GALK2: variants seen among roughly 807,000 people sequenced by gnomAD.
GALK2 encodes the protein N-acetylgalactosamine kinase.
GALK2 carries 36 observed loss-of-function variants against 52.4 expected under a neutral mutation model. The ratio of observed to expected loss-of-function variants is 0.69; its 90% CI spans 0.53 to 0.91. The LOEUF is 0.91. Ranked by LOEUF, GALK2 falls within the 40% of genes least tolerant of loss-of-function variation. GALK2 has a pLI of 0.00. For missense variants in GALK2, 579 were observed against 559.1 expected, an observed-to-expected ratio of 1.04 and a Z score of -0.36; for synonymous variants, 176 against 199.1, an observed-to-expected ratio of 0.88 and a Z score of 0.98.
chr15:49,299,057 A>T lies in GALK2; in HGVS notation c.967+6520A>T, dbSNP rs2034731620. ...CTCCAGGGCTTTTTCTGGTTGGTAG[A>T]TTTTTTATTATTGATTCAATTTTAG... On this transcript the variant is annotated intron_variant, in intron 8 of 9. Coordinates refer to ENST00000560031, the MANE Select transcript of GALK2 (RefSeq NM_002044.4). Among the ~76,000 whole-genome samples the T allele has an allele frequency of 2.6e-5, 4 of 152,048 alleles. No individual in the cohort carries two copies. The South Asian group carries it at 8.3e-4, about 32-fold the overall frequency.
At chr15:49,282,108 A>T in intron 6 of GALK2, 23 bp downstream of exon 6, 1 of 1,559,456 alleles carries the variant, frequency 6.4e-7, no homozygotes, top group Non-Finnish European at 8.8e-7. Context: ...CCAAGTAGGA[A>T]CCATTCAGAA....
At chr15:49,197,965 T>G (rs974291237) in intron 1 of GALK2, among the ~76,000 whole-genome samples, 2 of 152,212 alleles carry the variant, frequency 1.3e-5, no homozygotes, top group Admixed American at 6.5e-5. Flanking sequence ...TGAAAAGCAC[T>G]AATATTTTAT....
chr15:49,231,350 A>G (rs2141458470), intron 3 of GALK2, among the ~76,000 whole-genome samples: 1 of 152,230 alleles, frequency 6.6e-6, no homozygotes, highest in Non-Finnish European at 1.5e-5. Context: ...GGGGAAATCC[A>G]CCTCTGTGAT....
Position 49,329,669 on chromosome 15 carries a change from A to T in GALK2, c.*1510A>T, listed in dbSNP as rs975899069. 2.3e-5 allele frequency: 23 copies of T among 983,468 alleles called. No individual in the cohort carries two copies. Among genetic ancestry groups the T allele is most frequent in the Non-Finnish European group, 2.8e-5 (23 of 828,148 alleles). The allele number at this position is 983,468 out of a possible 1,614,324, so 60.9% of individuals were successfully genotyped here. A position where few individuals can be genotyped will look rare whatever the true frequency, so the allele number is the denominator to read the frequency against. On this transcript the variant is annotated 3_prime_UTR_variant, in exon 10 of 10. Coordinates refer to ENST00000560031, the MANE Select transcript of GALK2 (RefSeq NM_002044.4). ...AGCTTGAGTCAAATTTGTTAAAAGA[A>T]TTTTGAGTTCTATAAATCCAAAAAT... is the stretch of plus-strand genomic sequence containing the variant.
chr15:49,272,666 G>T (rs1262169912), intron 5 of GALK2, among the ~76,000 whole-genome samples: 1 of 152,096 alleles, frequency 6.6e-6, no homozygotes, highest in Non-Finnish European at 1.5e-5. Flanking sequence ...CACATCCAGA[G>T]TCATCATCTG....
At chr15:49,228,636 A>G (rs1445558133) in intron 3 of GALK2, among the ~76,000 whole-genome samples, 1 of 92,932 alleles carries the variant, frequency 1.1e-5, no homozygotes, top group Non-Finnish European at 2.1e-5. Context: ...ATTTCTTTGT[A>G]TCTGTGTTCT....
chr15:49,237,584 C>T (rs1321422181), intron 4 of GALK2, among the ~76,000 whole-genome samples: 2 of 152,206 alleles, frequency 1.3e-5, no homozygotes, highest in African/African-American at 4.8e-5. Context: ...TCAAGCGATT[C>T]TCCTGCCTCA....
At chr15:49,199,918 A>G (rs2087589478) in intron 1 of GALK2, among the ~76,000 whole-genome samples, 1 of 152,238 alleles carries the variant, frequency 6.6e-6, no homozygotes. Flanking sequence ...TGACTATTCA[A>G]TTCCCAAGAG....
At position 49,232,186 on chromosome 15, in the gene GALK2, G is replaced by A. The variant is rs193202933; in HGVS notation, c.267-3665G>A. On this transcript the variant is annotated intron_variant, in intron 3 of 9. Transcript: ENST00000560031. ...AGAGGCTCCCGAAGCCTTAACTCTT[G>A]CACTCTGAACATTGGCAGGCTAAAC... Among the ~76,000 whole-genome samples the A allele has an allele frequency of 4.9e-3, 741 of 152,324 alleles. 7 individuals carry two copies. Among genetic ancestry groups the A allele is most frequent in the African/African-American group, 0.017 (706 of 41,572 alleles).
chr15:49,285,648 C>A (rs2081829799), intron 7 of GALK2, among the ~76,000 whole-genome samples: 1 of 152,158 alleles, frequency 6.6e-6, no homozygotes, highest in African/African-American at 2.4e-5. Flanking sequence ...TCAAACTGAG[C>A]ATGTTGAAAT....
chr15:49,284,381 C>T (rs947587245), intron 7 of GALK2, among the ~76,000 whole-genome samples: 3 of 152,110 alleles, frequency 2.0e-5, no homozygotes, highest in Non-Finnish European at 4.4e-5. Flanking sequence ...GATTATGAAA[C>T]AGGAAATGGT....
At chr15:49,360,602 C>T (rs1363366433) in intron 3 of GALK2, among the ~76,000 whole-genome samples, 3 of 152,030 alleles carry the variant, frequency 2.0e-5, no homozygotes, top group African/African-American at 7.2e-5. Flanking sequence ...ATTAGCAGCT[C>T]TAAATACATT....
In GALK2 at chr15:49,329,408, A is replaced by T. The variant is rs894609723; in HGVS notation, c.*1249A>T. ...TAGCAATGGTTTTATGGCATGAATT[A>T]TCCAAAAAAATATCAGAATTACTTA... On this transcript the variant is annotated 3_prime_UTR_variant, in exon 10 of 10. Transcript: ENST00000560031. 2.0e-6 allele frequency: 2 copies of T among 985,136 alleles called. No homozygotes were observed. Among genetic ancestry groups the T allele is most frequent in the Admixed American group, 1.2e-4 (2 of 16,266 alleles). 61.0% of individuals were successfully genotyped at this position (985,136 alleles called of 1,614,324 possible). A position where few individuals can be genotyped will look rare whatever the true frequency, so the allele number is the denominator to read the frequency against.
At chr15:49,217,853 A>G (rs2089506522) in intron 3 of GALK2, among the ~76,000 whole-genome samples, 1 of 152,226 alleles carries the variant, frequency 6.6e-6, no homozygotes, top group African/African-American at 2.4e-5. Context: ...AAGTTAACAA[A>G]GTCTTTAAAA....
intron 3 of GALK2, among the ~76,000 whole-genome samples, chr15:49,348,035 A>AG (rs1807113292): frequency 6.6e-6 from 1 of 151,802 alleles, no homozygotes; most frequent in African/African-American, 2.4e-5. Context: ...AAAAAAAAAA[A>AG]AAAAAAAGGC....
In GALK2 at chr15:49,283,564, A is replaced by G; in HGVS notation, c.604-2A>G. 1 of 1,603,084 alleles carries G rather than the reference A, an allele frequency of 6.2e-7. No homozygotes were observed. The highest frequency in any genetic ancestry group is 8.5e-7 in the Non-Finnish European group (1 of 1,174,898). The stretch of plus-strand genomic sequence containing the variant: ...TTTCTCCTTTCATTTTTCTTCTAAC[A>G]GGCCAAGTTGATAGAATTTAGTCCT... On this transcript the variant is annotated splice_acceptor_variant, in intron 6 of 9. Coordinates refer to ENST00000560031, the MANE Select transcript of GALK2 (RefSeq NM_002044.4). LOFTEE classifies it high-confidence loss of function.
chr15:49,354,465 G>C (rs200897806), intron 3 of GALK2, among the ~76,000 whole-genome samples: 5 of 151,642 alleles, frequency 3.3e-5, no homozygotes, highest in African/African-American at 9.7e-5. Flanking sequence ...TTCCCTTTCC[G>C]AGTCAAAGAA....
At chr15:49,164,040 A>G (rs1207602474) in intron 1 of GALK2, among the ~76,000 whole-genome samples, 2 of 152,204 alleles carry the variant, frequency 1.3e-5, no homozygotes, top group Non-Finnish European at 2.9e-5. Flanking sequence ...AACTCGTGGC[A>G]TACTCAGGGA....
chr15:49,207,863 C>T (rs2088440652), intron 2 of GALK2, among the ~76,000 whole-genome samples: 1 of 152,064 alleles, frequency 6.6e-6, no homozygotes, highest in Non-Finnish European at 1.5e-5. Flanking sequence ...CTGCAATGTC[C>T]ACCACCCAGG....
Sources: allele counts gnomAD v4.1 joint callset (sites outside exome capture counted in the v4.1 genomes callset), GRCh38; gene constraint gnomAD v4.1.1; transcripts MANE v1.5; gene names NCBI Gene and HGNC (gene_info 2026-07-23, HGNC 2026-07-21).